The following PTPRT variants were observed in gnomAD, a reference collection of about 807,000 sequenced individuals.
The protein encoded by PTPRT is receptor-type tyrosine-protein phosphatase T.
In PTPRT, 56 loss-of-function variants were observed where a neutral mutation model predicts 176.8. The ratio of observed to expected loss-of-function variants is 0.32; its 90% CI spans 0.26 to 0.40. The LOEUF is 0.40. Ranked by LOEUF, PTPRT falls within the 10% of genes least tolerant of loss-of-function variation. PTPRT has a pLI of 1.00. For synonymous variants in PTPRT, 783 were observed against 739.0 expected (o/e 1.06, Z -0.96); for missense variants, 1,540 against 1,908.2 (o/e 0.81, Z 3.60).
chr20:42,738,627 T>A (rs1338906947), intron 6 of PTPRT, among the ~76,000 whole-genome samples: 3 of 152,210 alleles, frequency 2.0e-5, no homozygotes, highest in Non-Finnish European at 4.4e-5. Context: ...CTGATCCATA[T>A]GGCTGTTTGC....
intron 4 of PTPRT, among the ~76,000 whole-genome samples, chr20:42,772,215 T>G (rs1275181653): frequency 6.6e-6 from 1 of 152,190 alleles, no homozygotes; most frequent in Non-Finnish European, 1.5e-5. Context: ...GCGCTTGCCA[T>G]TTGATAAGTA....
intron 23 of PTPRT, among the ~76,000 whole-genome samples, chr20:42,107,378 G>T (rs117940874): frequency 2.6e-5 from 4 of 152,166 alleles, no homozygotes; most frequent in African/African-American, 7.2e-5. Context: ...TTCAAAGGCC[G>T]GCATCTGGCT....
Position 42,882,697 on chromosome 20 carries a change from AG to A in PTPRT, c.214+3109del, listed in dbSNP as rs1328988848. ...CATAGGATGTCTGATGTACTGCATT[AG>A]GCACTGAAGATAAAGTTATGAACAA... On this transcript the variant is annotated intron_variant, in intron 2 of 30. Coordinates refer to ENST00000373187, the MANE Select transcript of PTPRT (RefSeq NM_007050.6). Among the ~76,000 whole-genome samples, 7 of 152,376 alleles carry A rather than the reference AG, an allele frequency of 4.6e-5. No individual in the cohort carries two copies. The East Asian group carries it at 1.3e-3, about 29-fold the overall frequency.
chr20:42,387,241 T>G (rs2058753377), intron 9 of PTPRT, among the ~76,000 whole-genome samples: 1 of 152,238 alleles, frequency 6.6e-6, no homozygotes, highest in Admixed American at 6.5e-5. Context: ...GGTAATACGC[T>G]GCTTGGGTCA....
At chr20:42,058,622 C>G in the PTPRT span, among the ~76,000 whole-genome samples, 6 of 152,134 alleles carry the variant, frequency 3.9e-5, no homozygotes, top group African/African-American at 1.2e-4. Flanking sequence ...CCAAAGGCAG[C>G]GACAAGAATT....
At chr20:42,053,741 T>G in the PTPRT span, among the ~76,000 whole-genome samples, 1 of 152,196 alleles carries the variant, frequency 6.6e-6, no homozygotes, top group Non-Finnish European at 1.5e-5. Context: ...CTTGAACCCA[T>G]TTACTTATTC....
chr20:42,578,099 A>G (rs2145713558), intron 7 of PTPRT, among the ~76,000 whole-genome samples: 1 of 152,156 alleles, frequency 6.6e-6, no homozygotes, highest in African/African-American at 2.4e-5. Context: ...TGAATGGTTG[A>G]TTGTGTCAAC....
At chr20:42,766,690 T>C (rs929724945) in intron 5 of PTPRT, among the ~76,000 whole-genome samples, 2 of 152,172 alleles carry the variant, frequency 1.3e-5, no homozygotes, top group African/African-American at 4.8e-5. Flanking sequence ...CAGGGATTTA[T>C]CTCAAACTAT....
At chr20:43,034,875 TG>T (rs1986310800) in intron 1 of PTPRT, among the ~76,000 whole-genome samples, 1 of 151,988 alleles carries the variant, frequency 6.6e-6, no homozygotes. Flanking sequence ...GGTCCCTGTC[TG>T]TCCCCACAAC....
chr20:42,086,753 A>AATAT lies in PTPRT; in HGVS notation c.3847-904_3847-901dup, dbSNP rs1555858329. Among the ~76,000 whole-genome samples, 64 of 95,530 alleles carry AATAT rather than the reference A, an allele frequency of 6.7e-4. 8 individuals carry two copies. The highest frequency in any genetic ancestry group is 2.4e-3 in the African/African-American group (50 of 20,414). 62.7% of individuals were successfully genotyped at this position (95,530 alleles called of 152,430 possible). ...AAAAAAAAAAAAAAAAAAAAAAAAA[A>AATAT]ATATATATATATATGGGTTTGACCT... On this transcript the variant is annotated intron_variant, in intron 27 of 30. Transcript: ENST00000373187.
intron 7 of PTPRT, among the ~76,000 whole-genome samples, chr20:42,659,069 C>G (rs190520085): frequency 2.0e-5 from 3 of 152,124 alleles, no homozygotes; most frequent in African/African-American, 7.2e-5. Flanking sequence ...TCTGTATCTT[C>G]CAAAATAAAA....
chr20:42,758,502 A>C lies in PTPRT; in HGVS notation c.685-1866T>G, dbSNP rs143699268. 2.7e-3 allele frequency among the ~76,000 whole-genome samples: 407 copies of C among 152,314 alleles called. 3 individuals carry two copies. The highest frequency in any genetic ancestry group is 8.9e-3 in the African/African-American group (371 of 41,574). ...AGAGACTTGCTCCAGGCTACAGGCT[A>C]CAGGCTCCAGGCTACAGGGAGATTG... On this transcript the variant is annotated intron_variant, in intron 5 of 30. Coordinates refer to ENST00000373187, the MANE Select transcript of PTPRT (RefSeq NM_007050.6).
intron 16 of PTPRT, among the ~76,000 whole-genome samples, chr20:42,196,769 C>T (rs1991233803): frequency 6.6e-6 from 1 of 152,124 alleles, no homozygotes; most frequent in Admixed American, 6.5e-5. Context: ...AAAGGACTGG[C>T]TTCATGGTTA....
At chr20:42,392,945 A>G (rs1391242007) in intron 9 of PTPRT, among the ~76,000 whole-genome samples, 1 of 152,232 alleles carries the variant, frequency 6.6e-6, no homozygotes, top group Non-Finnish European at 1.5e-5. Context: ...CCAAAGAAAG[A>G]GGAAAATCTG....
intron 7 of PTPRT, among the ~76,000 whole-genome samples, chr20:42,624,030 A>AAACC (rs1555888333): frequency 6.9e-6 from 1 of 145,660 alleles, no homozygotes; most frequent in Non-Finnish European, 1.5e-5. Flanking sequence ...CAAACAAAAA[A>AAACC]AAAAAACCCT....
At chr20:42,637,714 T>C (rs942059345) in intron 7 of PTPRT, among the ~76,000 whole-genome samples, 5 of 152,156 alleles carry the variant, frequency 3.3e-5, no homozygotes, top group Non-Finnish European at 5.9e-5. Flanking sequence ...TTTGATTCAC[T>C]GCTGAGTTCC....
At chr20:42,070,157 G>A (rs1982262717), downstream of PTPRT, among the ~76,000 whole-genome samples, 1 of 151,824 alleles carries the variant, frequency 6.6e-6, no homozygotes, top group Non-Finnish European at 1.5e-5. Context: ...CCTGTCAGAG[G>A]GAATCAAATC....
chr20:42,596,458 TG>T (rs1278836367), intron 7 of PTPRT, among the ~76,000 whole-genome samples: 1 of 152,234 alleles, frequency 6.6e-6, no homozygotes, highest in Non-Finnish European at 1.5e-5. Context: ...CGGCGGTCTT[TG>T]TAAAACCCAA....
At chr20:42,959,030 T>A (rs1050612522) in intron 1 of PTPRT, among the ~76,000 whole-genome samples, 5 of 152,222 alleles carry the variant, frequency 3.3e-5, no homozygotes, top group African/African-American at 1.2e-4. Context: ...AACTCATTTC[T>A]CAACTATTCT....
Sources: allele counts gnomAD v4.1 joint callset (sites outside exome capture counted in the v4.1 genomes callset), GRCh38; gene constraint gnomAD v4.1.1; transcripts MANE v1.5; gene names NCBI Gene and HGNC (gene_info 2026-07-23, HGNC 2026-07-21).